The following DGKG variants were observed in gnomAD, a reference collection of about 807,000 sequenced individuals.
DGKG encodes diacylglycerol kinase gamma.
A neutral mutation model predicts 105.3 loss-of-function variants in DGKG; 78 were observed. That is an observed-to-expected ratio of 0.74 (90% CI 0.62 to 0.89). The LOEUF (loss-of-function observed/expected upper bound fraction) is 0.89, where lower values mean the gene tolerates loss of function less well. Among genes scored for constraint, DGKG ranks in the 40% least tolerant of loss-of-function variants. DGKG has a pLI of 0.00. For synonymous variants in DGKG, 346 were observed against 367.1 expected (o/e 0.94, Z 0.66); for missense variants, 958 against 1,020.1 (o/e 0.94, Z 0.83).
intron 21 of DGKG, among the ~76,000 whole-genome samples, chr3:186,209,224 C>T (rs1165513038): frequency 3.3e-5 from 5 of 151,656 alleles, no homozygotes; most frequent in African/African-American, 7.3e-5. Context: ...TCTCAGCCTC[C>T]GGAGTAGCTG....
intron 5 of DGKG, among the ~76,000 whole-genome samples, chr3:186,293,861 T>A (rs1723422303): frequency 6.6e-6 from 1 of 152,216 alleles, no homozygotes; most frequent in Admixed American, 6.5e-5. Flanking sequence ...CCTGGTCCTA[T>A]AATTCTTGTT....
At chr3:186,165,571 C>A (rs1716501087) in intron 22 of DGKG, among the ~76,000 whole-genome samples, 1 of 152,186 alleles carries the variant, frequency 6.6e-6, no homozygotes, top group Non-Finnish European at 1.5e-5. Context: ...TTCAGGACAC[C>A]AGGTGCCTAA....
intron 1 of DGKG, among the ~76,000 whole-genome samples, chr3:186,347,401 C>G (rs1726394765): frequency 7.0e-6 from 1 of 143,578 alleles, no homozygotes; most frequent in Admixed American, 7.1e-5. Flanking sequence ...TGAGCCGAGA[C>G]CACAGCCGCT....
intron 10 of DGKG, among the ~76,000 whole-genome samples, chr3:186,273,367 C>CCTTTTTTTTTTTTTTTTTTTTTT (rs1553811123): frequency 1.2e-5 from 1 of 85,598 alleles, no homozygotes; most frequent in Non-Finnish European, 2.3e-5. Flanking sequence ...TGTTGTACCC[C>CCTTTTTTTTTTTTTTTTTTTTTT]TTTTTTTTTT....
chr3:186,271,907 C>T (rs1314742871), intron 11 of DGKG, among the ~76,000 whole-genome samples: 7 of 152,332 alleles, frequency 4.6e-5, no homozygotes, highest in African/African-American at 9.6e-5. Context: ...CAACTTGCCC[C>T]GTGCTTCCAC....
In DGKG at chr3:186,279,657, TAAATGTCTGTC is replaced by T. The variant is rs1203100126; in HGVS notation, c.792+183_792+193del. On this transcript the variant is annotated intron_variant, in intron 9 of 24. Transcript: ENST00000265022. ...TATTTTTAAAGTAGTAATAATGTAG[TAAATGTCTGTC>T]AAATGAATATACTTCAGGCACTAAT... The T allele has an allele frequency of 5.7e-6, 3 of 527,542 alleles. No individual in the cohort carries two copies. The East Asian group carries it at 1.0e-4, about 18-fold the overall frequency. The allele number at this position is 527,542 out of a possible 1,614,324, so 32.7% of individuals were successfully genotyped here.
At chr3:186,230,410 A>G (rs1720094920) in intron 20 of DGKG, among the ~76,000 whole-genome samples, 1 of 152,346 alleles carries the variant, frequency 6.6e-6, no homozygotes, top group Admixed American at 6.5e-5. Flanking sequence ...TGACTAGGTC[A>G]CAAGAGGAGA....
intron 24 of DGKG, chr3:186,158,648 G>C: frequency 2.2e-6 from 2 of 929,684 alleles, no homozygotes; most frequent in Non-Finnish European, 2.6e-6. Context: ...ATGAGTTATA[G>C]AGTTATTTCA....
chr3:186,250,554 A>ATTTTTTTTTTTTT (rs1165295513), intron 19 of DGKG, among the ~76,000 whole-genome samples: 3 of 27,620 alleles, frequency 1.1e-4, no homozygotes, highest in African/African-American at 1.7e-4. Context: ...TAATTCTGTC[A>ATTTTTTTTTTTTT]TTCTTTTTTT....
At chr3:186,271,527 C>T (rs1722316325) in intron 11 of DGKG, among the ~76,000 whole-genome samples, 1 of 152,128 alleles carries the variant, frequency 6.6e-6, no homozygotes, top group Non-Finnish European at 1.5e-5. Context: ...GAAGAGTTTC[C>T]CTCCCCTGAT....
intron 1 of DGKG, among the ~76,000 whole-genome samples, chr3:186,326,716 C>T (rs1403866820): frequency 6.6e-6 from 1 of 152,190 alleles, no homozygotes; most frequent in Non-Finnish European, 1.5e-5. Context: ...TTTCAGGCAA[C>T]GGCAAATCCT....
At position 186,341,899 on chromosome 3, in the gene DGKG, A is replaced by G. The variant is rs564243528; in HGVS notation, c.-249+20047T>C. Among the ~76,000 whole-genome samples, 3 of 152,348 alleles carry G rather than the reference A, an allele frequency of 2.0e-5. No individual in the cohort carries two copies. In the East Asian group the frequency reaches 5.8e-4, roughly 29 times the overall value. Reference sequence around the variant, plus strand: ...GATGAAATTGGAAAACATCATTCTCAGTAAACTATCGCAAGAACAAAAAAC... The same window carrying G: ...GATGAAATTGGAAAACATCATTCTCGGTAAACTATCGCAAGAACAAAAAAC... On this transcript the variant is annotated intron_variant, in intron 1 of 24. Coordinates refer to ENST00000265022, the MANE Select transcript of DGKG (RefSeq NM_001346.3).
Position 186,265,241 on chromosome 3 carries a change from A to G in DGKG, c.1269+6T>C. 6.2e-7 allele frequency: 1 copy of G among 1,614,102 alleles called. No homozygotes were observed. The highest frequency in any genetic ancestry group is 2.2e-5 in the East Asian group (1 of 44,894). On this transcript the variant is annotated splice_donor_region_variant and intron_variant, in intron 14 of 24. Transcript: ENST00000265022. ...GGTGCAATCGGATTTAGAGCTCATG[A>G]GGTACCTGCATGACAAGTTCGCCCT...
chr3:186,262,558 C>T (rs1315451051), intron 14 of DGKG, among the ~76,000 whole-genome samples: 1 of 152,178 alleles, frequency 6.6e-6, no homozygotes, highest in African/African-American at 2.4e-5. Flanking sequence ...TGCCCAAAAA[C>T]TTGTAAAGAC....
At chr3:186,255,788 A>G (rs1360500654) in intron 17 of DGKG, among the ~76,000 whole-genome samples, 1 of 152,152 alleles carries the variant, frequency 6.6e-6, no homozygotes, top group Non-Finnish European at 1.5e-5. Context: ...GTGTAGGGAG[A>G]GAACAGATCA....
In DGKG at chr3:186,292,288, C is replaced by T. The variant is rs572315082; in HGVS notation, c.374-3408G>A. Among the ~76,000 whole-genome samples, 10 of 152,184 alleles carry T rather than the reference C, an allele frequency of 6.6e-5. No homozygotes were observed. The East Asian group carries it at 7.7e-4, about 12-fold the overall frequency. On this transcript the variant is annotated intron_variant, in intron 5 of 24. Coordinates refer to ENST00000265022, the MANE Select transcript of DGKG (RefSeq NM_001346.3). The stretch of plus-strand genomic sequence containing the variant: ...AGCACCAGACCAGGCAGCAGAAGAC[C>T]GTGATTCCACCGCTGAGTTTGTGTT...
intron 1 of DGKG, among the ~76,000 whole-genome samples, chr3:186,334,207 A>G (rs1450292099): frequency 6.6e-6 from 1 of 152,186 alleles, no homozygotes; most frequent in Non-Finnish European, 1.5e-5. Context: ...GTAATATTAC[A>G]CCTGGGACCA....
intron 19 of DGKG, among the ~76,000 whole-genome samples, chr3:186,250,557 C>CTTTTTTTTTTTTTTTTTTTTTTTTTT (rs10529645): frequency 8.6e-6 from 1 of 116,178 alleles, no homozygotes; most frequent in African/African-American, 3.3e-5. Context: ...TTCTGTCATT[C>CTTTTTTTTTTTTTTTTTTTTTTTTTT]TTTTTTTTTT....
At chr3:186,355,875 A>G (rs1021517586) in intron 1 of DGKG, among the ~76,000 whole-genome samples, 2 of 152,210 alleles carry the variant, frequency 1.3e-5, no homozygotes, top group Non-Finnish European at 2.9e-5. Context: ...ATTCCAGGGA[A>G]CATTCTGGAA....
Sources: allele counts gnomAD v4.1 joint callset (sites outside exome capture counted in the v4.1 genomes callset), GRCh38; gene constraint gnomAD v4.1.1; transcripts MANE v1.5; gene names NCBI Gene and HGNC (gene_info 2026-07-23, HGNC 2026-07-21).